ITPR1: variants seen among roughly 807,000 people sequenced by gnomAD.
ITPR1 encodes the protein inositol 1,4,5-trisphosphate-gated calcium channel ITPR1.
Under a neutral mutation model 318.4 loss-of-function variants are expected in ITPR1, and 96 were observed. That is an observed-to-expected ratio of 0.30 (90% CI 0.26 to 0.36). The LOEUF is 0.36. Ranked by LOEUF, ITPR1 falls within the 10% of genes least tolerant of loss-of-function variation. The probability of loss-of-function intolerance (pLI) is 1.00; values close to 1 mark genes in which losing one functional copy is unlikely to be tolerated. For synonymous variants in ITPR1, 1,312 were observed against 1,289.9 expected (o/e 1.02, Z -0.37); for missense variants, 2,440 against 3,460.2 (o/e 0.71, Z 7.40).
At chr3:4,511,822 T>G (rs1227471814) in intron 2 of ITPR1, among the ~76,000 whole-genome samples, 2 of 152,148 alleles carry the variant, frequency 1.3e-5, no homozygotes, top group African/African-American at 4.8e-5. Context: ...CGTCAGGAAT[T>G]GCGGGGAGGA....
At chr3:4,821,402 C>G (rs887648315) in intron 60 of ITPR1, among the ~76,000 whole-genome samples, 3 of 152,198 alleles carry the variant, frequency 2.0e-5, no homozygotes, top group Non-Finnish European at 4.4e-5. Flanking sequence ...AGATGCCACT[C>G]GGGCAGGGAG....
intron 4 of ITPR1, among the ~76,000 whole-genome samples, chr3:4,549,771 G>C (rs1193991313): frequency 6.6e-6 from 1 of 152,150 alleles, no homozygotes; most frequent in African/African-American, 2.4e-5. Context: ...TGAGAAGTAA[G>C]AAATTGTCAG....
At chr3:4,526,414 T>C (rs2082981424) in intron 4 of ITPR1, among the ~76,000 whole-genome samples, 1 of 152,222 alleles carries the variant, frequency 6.6e-6, no homozygotes, top group Admixed American at 6.5e-5. Context: ...AGCATCATAG[T>C]CTAATCTAAG....
chr3:4,566,939 C>T (rs924148429), intron 4 of ITPR1, among the ~76,000 whole-genome samples: 1 of 152,214 alleles, frequency 6.6e-6, no homozygotes, highest in Non-Finnish European at 1.5e-5. Context: ...CAGTCTTTCT[C>T]CTAGCTGTGT....
intron 34 of ITPR1, among the ~76,000 whole-genome samples, chr3:4,699,045 G>A (rs992197234): frequency 8.6e-5 from 13 of 152,038 alleles, no homozygotes; most frequent in African/African-American, 3.1e-4. Context: ...ATGGAAGATT[G>A]TTGTAGGATT....
chr3:4,579,128 C>T (rs892318993), intron 4 of ITPR1, among the ~76,000 whole-genome samples: 1 of 152,170 alleles, frequency 6.6e-6, no homozygotes, highest in Non-Finnish European at 1.5e-5. Context: ...AGTTCCGGCC[C>T]CATAGCTCAT....
At chr3:4,589,538 G>A (rs1368344862) in intron 4 of ITPR1, among the ~76,000 whole-genome samples, 1 of 152,172 alleles carries the variant, frequency 6.6e-6, no homozygotes, top group Non-Finnish European at 1.5e-5. Flanking sequence ...TGCAGTGTGA[G>A]TGTCACTAGT....
intron 40 of ITPR1, 33 bp downstream of exon 40, chr3:4,717,432 C>G (rs2041853339): frequency 6.5e-7 from 1 of 1,550,380 alleles, no homozygotes; most frequent in Non-Finnish European, 8.8e-7. Flanking sequence ...TTTTTCATGT[C>G]TCATGGTGGT....
chr3:4,708,467 C>T (rs2094804548), intron 37 of ITPR1, among the ~76,000 whole-genome samples: 1 of 152,140 alleles, frequency 6.6e-6, no homozygotes, highest in Admixed American at 6.5e-5. Flanking sequence ...CATAACACAA[C>T]CAGTTCTTAA....
chr3:4,718,086 A>T (rs2041902810), intron 40 of ITPR1, among the ~76,000 whole-genome samples: 1 of 152,184 alleles, frequency 6.6e-6, no homozygotes, highest in Admixed American at 6.5e-5. Flanking sequence ...GAGACTGACT[A>T]GTGGTCATTT....
In ITPR1 at chr3:4,788,076, A is replaced by C. The variant is rs1309044820; in HGVS notation, c.6745A>C (p.Asn2249His). The change falls in exon 52 of 62, where the codon AAT becomes CAT. Residue 2249 changes from asparagine (N) to histidine (H), a missense_variant. By Grantham distance (68) the Asn-to-His change is moderately conservative. Around this residue, in one of 23 missense-constraint regions of ITPR1, gnomAD observed 115 missense variants for 204.5 expected, o/e 0.56. Transcript: ENST00000649015. ...GAGAGACGAACAAGGCAGCAAAATC[A>C]ATGATTTCTTTCTGCGGTCTGAAGA... ...TERDEQGSKINDFFLRSEDLF... is the reference protein window; with the variant it reads ...TERDEQGSKIHDFFLRSEDLF... 1.9e-6 allele frequency: 3 copies of C among 1,611,582 alleles called. No homozygotes were observed. The highest frequency in any genetic ancestry group is 1.7e-5 in the Admixed American group (1 of 59,712).
At position 4,771,547 on chromosome 3, in the gene ITPR1, G is replaced by A. The variant is rs116705946; in HGVS notation, c.5979+2783G>A. 8.7e-3 allele frequency among the ~76,000 whole-genome samples: 1,327 copies of A among 152,212 alleles called. 17 individuals carry two copies. The highest frequency in any genetic ancestry group is 0.03 in the Admixed American group (459 of 15,282). On this transcript the variant is annotated intron_variant, in intron 46 of 61. Coordinates refer to ENST00000649015, the MANE Select transcript of ITPR1 (RefSeq NM_001378452.1). ...TAATTGCACAGGTTCATCATTTCTT[G>A]TTTGGAAGTCTTCAGATTTTTAGTT...
At chr3:4,638,515 A>C (rs1023175160) in intron 5 of ITPR1, among the ~76,000 whole-genome samples, 1 of 152,230 alleles carries the variant, frequency 6.6e-6, no homozygotes, top group East Asian at 1.9e-4. Flanking sequence ...AGCATGTCAC[A>C]TTTGGAATGG....
intron 4 of ITPR1, among the ~76,000 whole-genome samples, chr3:4,576,468 G>T (rs1171147336): frequency 1.3e-5 from 2 of 152,222 alleles, no homozygotes; most frequent in African/African-American, 2.4e-5. Flanking sequence ...TAATGACTAG[G>T]AGTCTTGGCA....
chr3:4,586,382 A>G lies in ITPR1; in HGVS notation c.164-41381A>G, dbSNP rs2089901141. Among the ~76,000 whole-genome samples the G allele has an allele frequency of 3.3e-5, 5 of 152,218 alleles. No homozygotes were observed. In the South Asian group the frequency reaches 8.3e-4, roughly 25 times the overall value. ...TGAGGCTTAGAGGATTAACATGCCC[A>G]CAGCAACATGGTTAGCTAGAAGTGT... On this transcript the variant is annotated intron_variant, in intron 4 of 61. Transcript: ENST00000649015.
chr3:4,609,921 C>T (rs979381332), intron 4 of ITPR1, among the ~76,000 whole-genome samples: 1 of 152,156 alleles, frequency 6.6e-6, no homozygotes, highest in Admixed American at 6.5e-5. Flanking sequence ...GAGAGCAGGA[C>T]ACGTGAGGAA....
At chr3:4,661,373 A>T (rs2093829249) in intron 14 of ITPR1, among the ~76,000 whole-genome samples, 1 of 152,188 alleles carries the variant, frequency 6.6e-6, no homozygotes, top group Non-Finnish European at 1.5e-5. Flanking sequence ...TGTCTGAAGG[A>T]TAATTTGGGC....
intron 60 of ITPR1, among the ~76,000 whole-genome samples, chr3:4,823,362 C>T (rs993214891): frequency 3.3e-5 from 5 of 152,106 alleles, no homozygotes; most frequent in Non-Finnish European, 5.9e-5. Flanking sequence ...GAAGACCAAA[C>T]AGTAACTTAA....
intron 60 of ITPR1, among the ~76,000 whole-genome samples, chr3:4,821,501 G>T (rs1250682931): frequency 6.6e-6 from 1 of 152,202 alleles, no homozygotes. Context: ...CTGGGTCATA[G>T]AATTTATCTG....
Sources: gnomAD v4.1 joint callset for allele counts (sites outside exome capture counted in the v4.1 genomes callset) on GRCh38, gnomAD v4.1.1 for gene constraint, gnomAD v4.1.1 regional missense constraint, MANE v1.5 for transcripts, NCBI Gene and HGNC (gene_info 2026-07-23, HGNC 2026-07-21) for gene names.